CHST2: variants seen among roughly 807,000 people sequenced by gnomAD.
CHST2 encodes the protein carbohydrate sulfotransferase 2.
CHST2 carries 23 observed loss-of-function variants against 34.6 expected under a neutral mutation model. The observed-to-expected ratio is 0.67, with a 90% CI of 0.48 to 0.94. The LOEUF (loss-of-function observed/expected upper bound fraction) is 0.94. Among genes scored for constraint, CHST2 ranks in the 40% least tolerant of loss-of-function variants. The pLI is 0.00. For synonymous variants in CHST2, 392 were observed against 343.1 expected, an observed-to-expected ratio of 1.14 and a Z score of -1.58; for missense variants, 720 against 759.5, an observed-to-expected ratio of 0.95 and a Z score of 0.61.
rs911913019 is a variant in CHST2, at chr3:143,122,735, A to C, written c.*326A>C. ...CCATTTTGAAGTGGGATGTTAATGA[A>C]ATCAAGTTCCAGTAACCCAAATCTT... is the stretch of plus-strand genomic sequence containing the variant. On this transcript the variant is annotated 3_prime_UTR_variant, in exon 2 of 2. Coordinates refer to ENST00000309575, the MANE Select transcript of CHST2 (RefSeq NM_004267.5). 1.3e-5 allele frequency: 3 copies of C among 223,158 alleles called. No homozygotes were observed. Among genetic ancestry groups the C allele is most frequent in the African/African-American group, 6.9e-5 (3 of 43,608 alleles). The allele number at this position is 223,158 out of a possible 1,614,324, so 13.8% of individuals were successfully genotyped here.
rs1379812534 is a variant in CHST2 at position 143,121,764 on chromosome 3, A to G, written c.948A>G (p.Pro316=). ...VRVFDVAVLA[P]LLRDPALDLK... is the part of the protein sequence containing the mutation. ...TCTTCGACGTGGCGGTCTTGGCGCCACTGCTGCGAGACCCGGCCCTGGACC... is the reference window on the plus strand; with the variant it reads ...TCTTCGACGTGGCGGTCTTGGCGCCGCTGCTGCGAGACCCGGCCCTGGACC... Residue 316 remains proline, a synonymous_variant, in exon 2 of 2, where the codon CCA becomes CCG. Transcript: ENST00000309575. The G allele has an allele frequency of 6.2e-7, 1 of 1,606,110 alleles. No individual in the cohort carries two copies. The highest frequency in any genetic ancestry group is 1.3e-5 in the African/African-American group (1 of 74,872).
Position 143,121,237 on chromosome 3 carries a change from G to A in CHST2, c.421G>A (p.Ala141Thr). 1 of 1,581,772 alleles carries A rather than the reference G, an allele frequency of 6.3e-7. No homozygotes were observed. The highest frequency in any genetic ancestry group is 8.6e-7 in the Non-Finnish European group (1 of 1,167,256). ...CGTCGGGGCGGCTCCTGCAGCCGCG[G>A]CAGGGATGGCGGGGGTTGCGGCCCC... Reference protein sequence around the residue: ...AAVGAAPAAAAGMAGVAAPPG... With the variant: ...AAVGAAPAAATGMAGVAAPPG... Residue 141 changes from alanine (A) to threonine (T), a missense_variant, in exon 2 of 2, where the codon GCA becomes ACA. Physicochemically the swap from Ala to Thr is moderately conservative, Grantham distance 58. This residue lies in a region of CHST2 where 287 missense variants were observed against 242.7 expected (regional missense o/e 1.18). Transcript: ENST00000309575.
At position 143,119,802 on chromosome 3, in the gene CHST2, C is replaced by G. The variant is rs927541084; in HGVS notation, c.-913C>G. ...GCTGGTCCGAGCGCGTTGCGGGCGC[C>G]CGGCGTAAGGGGAGTCGGGTAGCAG... is the stretch of plus-strand genomic sequence containing the variant. On this transcript the variant is annotated 5_prime_UTR_variant, in exon 1 of 2. Transcript: ENST00000309575. 1 of 152,134 alleles carries G rather than the reference C, an allele frequency of 6.6e-6. No individual in the cohort carries two copies. Among genetic ancestry groups the G allele is most frequent in the Non-Finnish European group, 1.5e-5 (1 of 67,988 alleles). The allele number at this position is 152,134 out of a possible 1,614,324, so 9.4% of individuals were successfully genotyped here.
rs1371698442 is a variant in CHST2, at chr3:143,121,017, G to A, written c.201G>A (p.Val67=). Residue 67 remains valine (V), a synonymous_variant, in exon 2 of 2, where the codon GTG becomes GTA. Coordinates refer to ENST00000309575, the MANE Select transcript of CHST2 (RefSeq NM_004267.5). ...VLCAGYALLL[V]LTMLNLLDYK... ...GCGCGGGCTATGCACTGCTGCTGGT[G>A]CTCACTATGCTCAACCTCCTGGACT... 9.1e-6 allele frequency: 14 copies of A among 1,536,742 alleles called. No individual in the cohort carries two copies. Among genetic ancestry groups the A allele is most frequent in the Non-Finnish European group, 1.2e-5 (14 of 1,142,288 alleles).
rs1936257370 is a variant in CHST2, at chr3:143,123,391, A to G, written c.*982A>G. The G allele has an allele frequency of 6.6e-6, 1 of 152,246 alleles. No individual in the cohort carries two copies. The highest frequency in any genetic ancestry group is 6.5e-5 in the Admixed American group (1 of 15,290). 9.4% of individuals were successfully genotyped at this position (152,246 alleles called of 1,614,324 possible). On this transcript the variant is annotated 3_prime_UTR_variant, in exon 2 of 2. Coordinates refer to ENST00000309575, the MANE Select transcript of CHST2 (RefSeq NM_004267.5). Reference sequence around the variant, plus strand: ...CAGAAAAAGGATTTTTAAAAAAAGTATGTAATTTTTAAAAGTTCTGATGAT... The same window carrying G: ...CAGAAAAAGGATTTTTAAAAAAAGTGTGTAATTTTTAAAAGTTCTGATGAT...
chr3:143,121,228 G>T lies in CHST2; in HGVS notation c.412G>T (p.Ala138Ser). ...CGCTGCCGCCGTCGGGGCGGCTCCT[G>T]CAGCCGCGGCAGGGATGGCGGGGGT... ...PPAAAVGAAP[A>S]AAAGMAGVAA... The change falls in exon 2 of 2, where the codon GCA (alanine) becomes TCA (serine). Residue 138 changes from alanine to serine, a missense_variant. Coordinates refer to ENST00000309575, the MANE Select transcript of CHST2 (RefSeq NM_004267.5). 9 of 1,577,414 alleles carry T rather than the reference G, an allele frequency of 5.7e-6. No homozygotes were observed. The highest frequency in any genetic ancestry group is 7.7e-6 in the Non-Finnish European group (9 of 1,165,480).
At position 143,120,915 on chromosome 3, in the gene CHST2, G is replaced by T; in HGVS notation, c.99G>T (p.Trp33Cys). The T allele has an allele frequency of 6.6e-7, 1 of 1,509,620 alleles. No homozygotes were observed. The highest frequency in any genetic ancestry group is 8.8e-7 in the Non-Finnish European group (1 of 1,130,158). The allele number at this position is 1,509,620 out of a possible 1,614,324, so 93.5% of individuals were successfully genotyped here. The change falls in exon 2 of 2, where the codon TGG becomes TGT. Residue 33 changes from tryptophan (W) to cysteine (C), a missense_variant. Transcript: ENST00000309575. This position sits in a 1 kb window ranked among gnomAD's most constrained non-coding sequence, Gnocchi z 4.1. ...AAAPRALLPQ[W>C]PRRPGRRWPA... ...CGCCGCGTGCCCTGCTCCCGCAGTG[G>T]CCCCGGCGCCCAGGACGCCGCTGGC...
rs1268441442 is a variant in CHST2, at chr3:143,120,451, C to G, written c.-264C>G. The G allele has an allele frequency of 3.0e-5, 5 of 166,638 alleles. No homozygotes were observed. Among genetic ancestry groups the G allele is most frequent in the Non-Finnish European group, 6.5e-5 (5 of 77,474 alleles). The allele number at this position is 166,638 out of a possible 1,614,324, so 10.3% of individuals were successfully genotyped here. On this transcript the variant is annotated 5_prime_UTR_variant, in exon 1 of 2. Transcript: ENST00000309575. This position sits in a 1 kb window ranked among gnomAD's most constrained non-coding sequence, Gnocchi z 4.1. ...AAGGTGCGGGGACCCCCAGCGGAAG[C>G]GAGAGGGAGCGAAATCGAGGAACGA...
At position 143,121,857 on chromosome 3, in the gene CHST2, C is replaced by T. The variant is rs1189393339; in HGVS notation, c.1041C>T (p.Gly347=). The change falls in exon 2 of 2, where the codon GGC becomes GGT. Residue 347 remains glycine, a synonymous_variant. Transcript: ENST00000309575. ...VASSRIRSRH[G]LIRESLQVVR... is the part of the protein sequence containing the mutation. ...GTTCACGGATCCGCTCGCGCCACGG[C>T]CTCATCCGTGAGAGCCTACAGGTGG... The T allele has an allele frequency of 6.3e-7, 1 of 1,583,756 alleles. No homozygotes were observed. The highest frequency in any genetic ancestry group is 8.6e-7 in the Non-Finnish European group (1 of 1,160,978).
At position 143,122,608 on chromosome 3, in the gene CHST2, A is replaced by G; in HGVS notation, c.*199A>G. 2.0e-6 allele frequency: 1 copy of G among 510,838 alleles called. No individual in the cohort carries two copies. Among genetic ancestry groups the G allele is most frequent in the East Asian group, 3.4e-5 (1 of 29,468 alleles). 31.6% of individuals were successfully genotyped at this position (510,838 alleles called of 1,614,324 possible). On this transcript the variant is annotated 3_prime_UTR_variant, in exon 2 of 2. Coordinates refer to ENST00000309575, the MANE Select transcript of CHST2 (RefSeq NM_004267.5). ...GAACAGCCACAAAATACACACCCCT[A>G]AGAAAAGGCAAGACTTGAACGTTCT...
rs747992364 is a variant in CHST2 at position 143,121,401 on chromosome 3, G to A, written c.585G>A (p.Glu195=). ...NQNPEVFFLY[E]PVWHVWQKLY... ...ATCCCGAGGTGTTCTTTCTCTACGA[G>A]CCAGTGTGGCATGTATGGCAAAAAC... The change falls in exon 2 of 2, where the codon GAG becomes GAA. Residue 195 remains glutamate, a synonymous_variant. Transcript: ENST00000309575. The A allele has an allele frequency of 5.6e-6, 9 of 1,613,918 alleles. No homozygotes were observed. The highest frequency in any genetic ancestry group is 5.3e-5 in the African/African-American group (4 of 75,072).
chr3:143,121,217 G>GGGCGGCTCCTGCAGCCGC lies in CHST2; in HGVS notation c.405_422dup (p.Ala136_Ala141dup). On this transcript the variant is annotated inframe_insertion, in exon 2 of 2. Coordinates refer to ENST00000309575, the MANE Select transcript of CHST2 (RefSeq NM_004267.5). Reference sequence around the variant, plus strand: ...TACCGCCCTCCCGCTGCCGCCGTCGGGGCGGCTCCTGCAGCCGCGGCAGGG... The same window carrying GGGCGGCTCCTGCAGCCGC: ...TACCGCCCTCCCGCTGCCGCCGTCGGGGCGGCTCCTGCAGCCGCGGCGGCTCCTGCAGCCGCGGCAGGG... The GGGCGGCTCCTGCAGCCGC allele has an allele frequency of 6.4e-7, 1 of 1,572,716 alleles. No homozygotes were observed. Among genetic ancestry groups the GGGCGGCTCCTGCAGCCGC allele is most frequent in the Non-Finnish European group, 8.6e-7 (1 of 1,163,508 alleles).
At position 143,120,698 on chromosome 3, in the gene CHST2, C is replaced by A; in HGVS notation, c.-119C>A. ...GCCAGCCTTGGGCGCTGGGGACCAG[C>A]CGCCGCGCCCGCCTCGGAGTCGCGG... On this transcript the variant is annotated 5_prime_UTR_variant, in exon 2 of 2. Coordinates refer to ENST00000309575, the MANE Select transcript of CHST2 (RefSeq NM_004267.5). The surrounding 1 kb of genome is among the most constrained non-coding windows in gnomAD (Gnocchi z 4.1). 2 of 997,888 alleles carry A rather than the reference C, an allele frequency of 2.0e-6. No individual in the cohort carries two copies. The highest frequency in any genetic ancestry group is 4.2e-5 in the East Asian group (1 of 23,588). The allele number at this position is 997,888 out of a possible 1,614,324, so 61.8% of individuals were successfully genotyped here.
In CHST2 at chr3:143,123,759, T is replaced by G. The variant is rs1023563845; in HGVS notation, c.*1350T>G. 1 of 152,240 alleles carries G rather than the reference T, an allele frequency of 6.6e-6. No individual in the cohort carries two copies. The highest frequency in any genetic ancestry group is 1.5e-5 in the Non-Finnish European group (1 of 68,044). The allele number at this position is 152,240 out of a possible 1,614,324, so 9.4% of individuals were successfully genotyped here. A position where few individuals can be genotyped will look rare whatever the true frequency, so the allele number is the denominator to read the frequency against. ...CAGTATAAGGCTTCAGCCAAGAGCT[T>G]CTTTTAGATATGATAATGAATTGTG... On this transcript the variant is annotated 3_prime_UTR_variant, in exon 2 of 2. Coordinates refer to ENST00000309575, the MANE Select transcript of CHST2 (RefSeq NM_004267.5).
Position 143,123,667 on chromosome 3 carries a change from G to A in CHST2, c.*1258G>A, listed in dbSNP as rs1189306099. 11 of 152,210 alleles carry A rather than the reference G, an allele frequency of 7.2e-5. No homozygotes were observed. Among genetic ancestry groups the A allele is most frequent in the Admixed American group, 7.2e-4 (11 of 15,282 alleles). 9.4% of individuals were successfully genotyped at this position (152,210 alleles called of 1,614,324 possible). ...TAATGCTTTACTTGGGATGCCTGTG[G>A]AATATGTTGCTTTTCTTTATCATGT... On this transcript the variant is annotated 3_prime_UTR_variant, in exon 2 of 2. Coordinates refer to ENST00000309575, the MANE Select transcript of CHST2 (RefSeq NM_004267.5).
rs1559816804 is a variant in CHST2, at chr3:143,121,689, C to G, written c.873C>G (p.Phe291Leu). The G allele has an allele frequency of 2.5e-6, 4 of 1,579,406 alleles. No individual in the cohort carries two copies. In the Admixed American group the frequency reaches 7.1e-5, roughly 28 times the overall value. The change falls in exon 2 of 2, where the codon TTC becomes TTG. Residue 291 changes from phenylalanine (F) to leucine (L), a missense_variant. Around this residue, in one of 4 missense-constraint regions of CHST2, gnomAD observed 166 missense variants for 211.4 expected, o/e 0.79. Transcript: ENST00000309575. ...KKCPPQRLAR[F>L]EEECRKYRTL... is the part of the protein sequence containing the mutation. ...GCCCGCCACAGCGCCTGGCGCGTTT[C>G]GAGGAGGAGTGCCGCAAGTACCGCA...
chr3:143,121,754 TC>T lies in CHST2; in HGVS notation c.939del (p.Leu314TrpfsTer134). On this transcript the variant is annotated frameshift_variant, in exon 2 of 2. Coordinates refer to ENST00000309575, the MANE Select transcript of CHST2 (RefSeq NM_004267.5). LOFTEE classifies it high-confidence loss of function. The part of the protein sequence containing the change: ...IKGVRVFDVA[V>X]LAPLLRDPAL... Reference sequence around the variant, plus strand: ...GGTGTGCGCGTCTTCGACGTGGCGGTCTTGGCGCCACTGCTGCGAGACCCGG... The same window carrying T: ...GGTGTGCGCGTCTTCGACGTGGCGGTTTGGCGCCACTGCTGCGAGACCCGG... The T allele has an allele frequency of 6.2e-7, 1 of 1,605,028 alleles. No homozygotes were observed. Among genetic ancestry groups the T allele is most frequent in the Non-Finnish European group, 8.5e-7 (1 of 1,175,774 alleles).
Position 143,120,946 on chromosome 3 carries a change from T to C in CHST2, c.130T>C (p.Ser44Pro). Residue 44 changes from serine (S) to proline (P), a missense_variant, in exon 2 of 2, where the codon TCC (serine) becomes CCC (proline). Physicochemically the swap from Ser to Pro is moderately conservative, Grantham distance 74 (BLOSUM62 -1). This residue lies in a region of CHST2 where 287 missense variants were observed against 242.7 expected (regional missense o/e 1.18). Coordinates refer to ENST00000309575, the MANE Select transcript of CHST2 (RefSeq NM_004267.5). This position sits in a 1 kb window ranked among gnomAD's most constrained non-coding sequence, Gnocchi z 4.1. ...GCGCCCAGGACGCCGCTGGCCCGCG[T>C]CCCCTCTCGGAATGAAGGTGTTCCG... ...PRRPGRRWPA[S>P]PLGMKVFRRK... The C allele has an allele frequency of 6.5e-7, 1 of 1,533,082 alleles. No individual in the cohort carries two copies. Among genetic ancestry groups the C allele is most frequent in the Admixed American group, 2.0e-5 (1 of 48,968 alleles). The allele number at this position is 1,533,082 out of a possible 1,614,324, so 95.0% of individuals were successfully genotyped here. A position where few individuals can be genotyped will look rare whatever the true frequency, so the allele number is the denominator to read the frequency against.
At position 143,121,498 on chromosome 3, in the gene CHST2, C is replaced by T. The variant is rs761103928; in HGVS notation, c.682C>T (p.Leu228Phe). 2 of 1,612,074 alleles carry T rather than the reference C, an allele frequency of 1.2e-6. No individual in the cohort carries two copies. The highest frequency in any genetic ancestry group is 2.2e-5 in the South Asian group (2 of 90,960). The change falls in exon 2 of 2, where the codon CTC becomes TTC. Residue 228 changes from leucine to phenylalanine, a missense_variant. Around this residue, in one of 4 missense-constraint regions of CHST2, gnomAD observed 166 missense variants for 211.4 expected, o/e 0.79. Transcript: ENST00000309575. ...GCTGAGCGCTCTTTACCGCTGCGAC[C>T]TCTCTGTCTTCCAGTTGTATAGCCC... ...DMLSALYRCDLSVFQLYSPAG... is the reference protein window; with the variant it reads ...DMLSALYRCDFSVFQLYSPAG...
Sources: allele counts gnomAD v4.1 joint callset, GRCh38; gene constraint gnomAD v4.1.1; regional missense constraint gnomAD v4.1.1; non-coding constraint Gnocchi (gnomAD v3.1); transcripts MANE v1.5; gene names NCBI Gene and HGNC (gene_info 2026-07-23, HGNC 2026-07-21).